The following CKAP5 variants were observed in gnomAD, a reference collection of about 807,000 sequenced individuals.
The protein encoded by CKAP5 is cytoskeleton associated protein 5, also known as cytoskeleton-associated protein 5.
In CKAP5, 27 loss-of-function variants were observed where a neutral mutation model predicts 232.8. The observed-to-expected ratio is 0.12, with a 90% CI of 0.09 to 0.16. CKAP5 has a LOEUF of 0.16. CKAP5 is among the 10% of genes least tolerant of loss of function. CKAP5 has a pLI of 1.00. For synonymous variants in CKAP5, 785 were observed against 841.1 expected, an observed-to-expected ratio of 0.93 and a Z score of 1.16; for missense variants, 1,838 against 2,424.7, an observed-to-expected ratio of 0.76 and a Z score of 5.08.
rs747401327 is a variant in CKAP5, at chr11:46,763,187, TAAAAC to T, written c.3688-13_3688-9del. On this transcript the variant is annotated splice_polypyrimidine_tract_variant and intron_variant, in intron 29 of 43. Coordinates refer to ENST00000529230, the MANE Select transcript of CKAP5 (RefSeq NM_001008938.4). ...TTTTTCACTCTCCAAGTGCTTAAAA[TAAAAC>T]AAAACAAAACTCCCACAAATAAGAA... is the stretch of plus-strand genomic sequence containing the variant. 15 of 1,580,816 alleles carry T rather than the reference TAAAAC, an allele frequency of 9.5e-6. No homozygotes were observed. In the Admixed American group the frequency reaches 1.6e-4, roughly 17 times the overall value.
rs2065309369 is a variant in CKAP5, at chr11:46,778,448, A to C, written c.2573+12T>G. 1 of 1,613,986 alleles carries C rather than the reference A, an allele frequency of 6.2e-7. No homozygotes were observed. The highest frequency in any genetic ancestry group is 1.1e-5 in the South Asian group (1 of 91,060). On this transcript the variant is annotated intron_variant, in intron 21 of 43. Coordinates refer to ENST00000529230, the MANE Select transcript of CKAP5 (RefSeq NM_001008938.4). ...ATGAATGAAATAAACCATTTCACAG[A>C]CTGGAACCTACCTGATCTCCGTCCT... is the stretch of plus-strand genomic sequence containing the variant.
At position 46,762,525 on chromosome 11, in the gene CKAP5, C is replaced by G. The variant is rs377110861; in HGVS notation, c.4027+102G>C. The G allele has an allele frequency of 6.4e-6, 9 of 1,404,462 alleles. No homozygotes were observed. In the African/African-American group the frequency reaches 9.9e-5, roughly 15 times the overall value. 87.0% of individuals were successfully genotyped at this position (1,404,462 alleles called of 1,614,324 possible). A position where few individuals can be genotyped will look rare whatever the true frequency, so the allele number is the denominator to read the frequency against. ...GTCTAAATCAGGAGGTTGGAATCAA[C>G]TACATAGGCACTGGAGAAATTTATT... On this transcript the variant is annotated intron_variant, in intron 31 of 43. Coordinates refer to ENST00000529230, the MANE Select transcript of CKAP5 (RefSeq NM_001008938.4).
chr11:46,785,215 G>A (rs1362011860), intron 16 of CKAP5, among the ~76,000 whole-genome samples: 2 of 152,120 alleles, frequency 1.3e-5, no homozygotes, highest in Non-Finnish European at 2.9e-5. Flanking sequence ...TGGGATTAAG[G>A]ACCCCTTTGC....
In CKAP5 at chr11:46,795,578, T is replaced by C. The variant is rs1354212108; in HGVS notation, c.1650+16A>G. The C allele has an allele frequency of 6.3e-7, 1 of 1,588,924 alleles. No homozygotes were observed. The highest frequency in any genetic ancestry group is 1.4e-5 in the African/African-American group (1 of 73,586). On this transcript the variant is annotated intron_variant, in intron 13 of 43. Coordinates refer to ENST00000529230, the MANE Select transcript of CKAP5 (RefSeq NM_001008938.4). ...ACCCTTCCTTACTAACTTCTATTTT[T>C]AAATAATCTATTAACCTTAGCAGCA... is the stretch of plus-strand genomic sequence containing the variant.
chr11:46,804,064 G>A (rs1027748089), intron 8 of CKAP5, among the ~76,000 whole-genome samples: 8 of 152,184 alleles, frequency 5.3e-5, no homozygotes, highest in African/African-American at 1.9e-4. Flanking sequence ...TATGGGCTCA[G>A]TTAAAAAACT....
At chr11:46,789,751 G>A (rs1350445045) in intron 15 of CKAP5, among the ~76,000 whole-genome samples, 5 of 151,996 alleles carry the variant, frequency 3.3e-5, no homozygotes, top group African/African-American at 4.8e-5. Flanking sequence ...AGCCAAGATC[G>A]CCCCACTGTA....
chr11:46,787,556 T>C (rs2065406393), intron 16 of CKAP5, among the ~76,000 whole-genome samples: 1 of 152,110 alleles, frequency 6.6e-6, no homozygotes, highest in Admixed American at 6.5e-5. Context: ...GGCTATACAA[T>C]TGATTATGTG....
chr11:46,801,065 C>T (rs1005471643), intron 9 of CKAP5, 135 bp downstream of exon 9: 3 of 554,822 alleles, frequency 5.4e-6, no homozygotes, highest in South Asian at 5.0e-5. Context: ...TGAATATTAA[C>T]AAAACAGAGA....
chr11:46,744,550 CAT>C lies in CKAP5; in HGVS notation c.5730_5731del (p.Val1912AlafsTer12), dbSNP rs1592426691. Reference sequence around the variant, plus strand: ...CACTGTGCTTGTGGGCGTGGGCACACATGTGACTTCCATCTGAGGGGAGATGC... The same window carrying C: ...CACTGTGCTTGTGGGCGTGGGCACACGTGACTTCCATCTGAGGGGAGATGC... On this transcript the variant is annotated frameshift_variant, in exon 43 of 44. Transcript: ENST00000529230. LOFTEE classifies it high-confidence loss of function. The C allele has an allele frequency of 6.2e-7, 1 of 1,614,108 alleles. No homozygotes were observed. The highest frequency in any genetic ancestry group is 8.5e-7 in the Non-Finnish European group (1 of 1,179,990).
intron 2 of CKAP5, among the ~76,000 whole-genome samples, chr11:46,819,431 T>A (rs1939477653): frequency 1.3e-5 from 2 of 152,160 alleles, no homozygotes; most frequent in African/African-American, 4.8e-5. Flanking sequence ...ATTCCACTCA[T>A]TATTCTAAGA....
In CKAP5 at chr11:46,824,263, C is replaced by T. The variant is rs118038329; in HGVS notation, c.-37-2995G>A. Among the ~76,000 whole-genome samples the T allele has an allele frequency of 8.6e-3, 1,311 of 152,190 alleles. 7 individuals are homozygous for T. Among genetic ancestry groups the T allele is most frequent in the Non-Finnish European group, 0.013 (884 of 67,994 alleles). The stretch of plus-strand genomic sequence containing the variant: ...TCATTAAGATTTTTCTTCAAAATCC[C>T]TAGGATTGCCATGAAACAGCAGCAG... On this transcript the variant is annotated intron_variant, in intron 1 of 43. Coordinates refer to ENST00000529230, the MANE Select transcript of CKAP5 (RefSeq NM_001008938.4).
At chr11:46,785,839 G>A (rs1402999795) in intron 16 of CKAP5, among the ~76,000 whole-genome samples, 2 of 152,154 alleles carry the variant, frequency 1.3e-5, no homozygotes, top group Non-Finnish European at 2.9e-5. Flanking sequence ...CAGCTACTTG[G>A]GAGGCTGAGG....
In CKAP5 at chr11:46,762,979, G is replaced by C; in HGVS notation, c.3888C>G (p.Val1296=). The C allele has an allele frequency of 6.2e-7, 1 of 1,612,838 alleles. No individual in the cohort carries two copies. The highest frequency in any genetic ancestry group is 1.7e-5 in the Admixed American group (1 of 59,998). ...CAGAGAGAGAACACCACATTACCTT[G>C]ACGACAAGATAGGGGATGAAGGAAG... ...EASSFIPYLV[V]KVGEPKDVIR... is the part of the protein sequence containing the mutation. Residue 1296 remains valine, a synonymous_variant, in exon 30 of 44, where the codon GTC becomes GTG. Coordinates refer to ENST00000529230, the MANE Select transcript of CKAP5 (RefSeq NM_001008938.4).
intron 42 of CKAP5, 39 bp downstream of exon 42, chr11:46,750,235 T>G (rs1168080835): frequency 2.5e-6 from 4 of 1,595,696 alleles, no homozygotes; most frequent in African/African-American, 1.4e-5. Context: ...CTAGGAGCTA[T>G]TTTGAGCTTA....
rs1397561170 is a variant in CKAP5 at position 46,776,274 on chromosome 11, T to A, written c.2972A>T (p.Asn991Ile). ...EDLSEELKKE[N>I]PFLRQELLGW... ...ACTAACCTCTTGCCTCAAGAAAGGA[T>A]TTTCCTTTTTGAGCTCTTCAGAAAG... The change falls in exon 24 of 44, where the codon AAT becomes ATT. Residue 991 changes from asparagine to isoleucine, a missense_variant. Transcript: ENST00000529230. The A allele has an allele frequency of 6.2e-7, 1 of 1,613,700 alleles. No homozygotes were observed. The highest frequency in any genetic ancestry group is 8.5e-7 in the Non-Finnish European group (1 of 1,179,826).
rs772388714 is a variant in CKAP5, at chr11:46,777,477, A to G, written c.2824T>C (p.Leu942=). ...GPNIKQHVKN[L]GIPIITVLGD... ...AGGACTGTGATGATAGGGATGCCTA[A>G]ATTTTTTACATGTTGCTTAATATTT... The change falls in exon 23 of 44, where the codon TTA becomes CTA. Residue 942 remains leucine, a synonymous_variant. Coordinates refer to ENST00000529230, the MANE Select transcript of CKAP5 (RefSeq NM_001008938.4). The G allele has an allele frequency of 1.2e-6, 2 of 1,613,836 alleles. No individual in the cohort carries two copies. The highest frequency in any genetic ancestry group is 1.7e-6 in the Non-Finnish European group (2 of 1,179,762).
At chr11:46,755,358 C>T (rs1396604032) in intron 35 of CKAP5, among the ~76,000 whole-genome samples, 12 of 151,974 alleles carry the variant, frequency 7.9e-5, no homozygotes, top group Non-Finnish European at 7.4e-5. Context: ...GGATTACAGG[C>T]GCCTGCCACC....
chr11:46,745,552 C>T (rs1488997167), intron 42 of CKAP5, among the ~76,000 whole-genome samples: 5 of 152,172 alleles, frequency 3.3e-5, no homozygotes, highest in Non-Finnish European at 7.3e-5. Flanking sequence ...AGGATGCCTG[C>T]CCTGATCAAA....
rs78408136 is a variant in CKAP5, at chr11:46,816,286, C to A, written c.370G>T (p.Ala124Ser). ...LMYIEIEKGE[A>S]VQEELLKGLD... ...CCTTTCAGGAGCTCTTCTTGAACAG[C>A]CTCTCCTTTCTCAATCTCTATGTAC... Residue 124 changes from alanine to serine, a missense_variant, in exon 4 of 44, where the codon GCT becomes TCT. This residue lies in a region of CKAP5 where 285 missense variants were observed against 300.0 expected (regional missense o/e 0.95). Transcript: ENST00000529230. 56 of 1,614,062 alleles carry A rather than the reference C, an allele frequency of 3.5e-5. No homozygotes were observed. In the East Asian group the frequency reaches 1.2e-3, roughly 35 times the overall value.
Sources: allele counts gnomAD v4.1 joint callset (sites outside exome capture counted in the v4.1 genomes callset), GRCh38; gene constraint gnomAD v4.1.1; regional missense constraint gnomAD v4.1.1; transcripts MANE v1.5; gene names NCBI Gene and HGNC (gene_info 2026-07-23, HGNC 2026-07-21).